STK3: variants seen among roughly 807,000 people sequenced by gnomAD.
The protein encoded by STK3 is serine/threonine kinase 3.
STK3 carries 41 observed loss-of-function variants against 58.0 expected under a neutral mutation model. That is an observed-to-expected ratio of 0.71 (90% CI 0.55 to 0.92). STK3 has a LOEUF of 0.92. STK3 is among the 40% of genes least tolerant of loss of function. The probability of loss-of-function intolerance (pLI) is 0.00; values close to 1 mark genes in which losing one functional copy is unlikely to be tolerated. For synonymous variants in STK3, 170 were observed against 191.0 expected, an observed-to-expected ratio of 0.89 and a Z score of 0.91; for missense variants, 479 against 602.7, an observed-to-expected ratio of 0.79 and a Z score of 2.15.
intron 1 of STK3, chr8:98,782,536 CA>C: frequency 3.0e-6 from 1 of 333,042 alleles, no homozygotes; most frequent in Non-Finnish European, 6.0e-6. Context: ...GGTCTAAGAC[CA>C]AGGAAGCATG....
chr8:98,558,688 ATTCT>A (rs758816682), intron 8 of STK3, among the ~76,000 whole-genome samples: 17 of 152,072 alleles, frequency 1.1e-4, no homozygotes, highest in Non-Finnish European at 2.1e-4. Context: ...TCTTTTCTTC[ATTCT>A]TTCTTTCTCT....
At chr8:98,591,532 CAAG>C (rs1256500784) in intron 7 of STK3, among the ~76,000 whole-genome samples, 1 of 152,186 alleles carries the variant, frequency 6.6e-6, no homozygotes, top group African/African-American at 2.4e-5. Context: ...TCTTCTGACT[CAAG>C]AATACTCAAA....
intron 10 of STK3, among the ~76,000 whole-genome samples, chr8:98,484,740 A>G (rs1159981111): frequency 6.6e-6 from 1 of 152,098 alleles, no homozygotes; most frequent in African/African-American, 2.4e-5. Flanking sequence ...AAAATACTAT[A>G]TATAATAGAA....
chr8:98,649,821 G>T (rs953819702), intron 6 of STK3, among the ~76,000 whole-genome samples: 3 of 152,008 alleles, frequency 2.0e-5, no homozygotes, highest in African/African-American at 7.2e-5. Flanking sequence ...TTTTTGCATG[G>T]CAACACAATA....
chr8:98,636,037 A>G (rs1188623527), intron 6 of STK3, among the ~76,000 whole-genome samples: 2 of 152,160 alleles, frequency 1.3e-5, no homozygotes, highest in Non-Finnish European at 2.9e-5. Context: ...ATAAAGCCAT[A>G]CATTCCTTCT....
chr8:98,721,486 T>C (rs970224927), intron 4 of STK3, among the ~76,000 whole-genome samples: 8 of 151,776 alleles, frequency 5.3e-5, no homozygotes, highest in African/African-American at 9.7e-5. Context: ...CTGGGCAACA[T>C]AGTGAGGCCT....
At chr8:98,391,890 C>T (rs770627700), upstream of STK3, among the ~76,000 whole-genome samples, 2 of 152,120 alleles carry the variant, frequency 1.3e-5, no homozygotes, top group Non-Finnish European at 2.9e-5. Context: ...AAGGTAGTTT[C>T]CTGATGAATT....
intron 6 of STK3, among the ~76,000 whole-genome samples, chr8:98,701,680 T>TCA (rs936023354): frequency 2.0e-5 from 3 of 146,908 alleles, no homozygotes; most frequent in East Asian, 2.0e-4. Context: ...ACACACACAC[T>TCA]CACACACACA....
rs147317277 is a variant in STK3, at chr8:98,863,316, T to C, written c.110+20331A>G. ...TTCTTTTAGGAAGGGCAGTACAACATTGAGCTGAAGGCAGACTATCAGCTA... is the reference window on the plus strand; with the variant it reads ...TTCTTTTAGGAAGGGCAGTACAACACTGAGCTGAAGGCAGACTATCAGCTA... On this transcript the variant is annotated intron_variant, in intron 3 of 12. Transcript: ENST00000523601. Among the ~76,000 whole-genome samples, 213 of 152,308 alleles carry C rather than the reference T, an allele frequency of 1.4e-3. 1 individual carries two copies. The highest frequency in any genetic ancestry group is 3.4e-3 in the Middle Eastern group (1 of 294).
intron 10 of STK3, among the ~76,000 whole-genome samples, chr8:98,467,320 C>T (rs1820546204): frequency 6.6e-6 from 1 of 152,012 alleles, no homozygotes; most frequent in Non-Finnish European, 1.5e-5. Context: ...TAGAACACTG[C>T]TTGAAACATA....
intron 9 of STK3, among the ~76,000 whole-genome samples, chr8:98,533,760 C>T (rs1237448028): frequency 6.6e-6 from 1 of 152,144 alleles, no homozygotes; most frequent in East Asian, 1.9e-4. Flanking sequence ...AAAGTGCTGG[C>T]ATCACAGGTG....
chr8:98,725,931 T>C (rs1759172129), intron 4 of STK3, among the ~76,000 whole-genome samples: 1 of 152,160 alleles, frequency 6.6e-6, no homozygotes. Context: ...TTACACAATG[T>C]ACCCAGGGTC....
chr8:98,493,259 G>A (rs992014368), intron 10 of STK3, among the ~76,000 whole-genome samples: 5 of 149,932 alleles, frequency 3.3e-5, no homozygotes, highest in South Asian at 2.1e-4. Flanking sequence ...ATCATCAAGC[G>A]TTTCATATCT....
intron 4 of STK3, among the ~76,000 whole-genome samples, chr8:98,711,054 T>A (rs1413625836): frequency 1.3e-5 from 2 of 151,956 alleles, no homozygotes; most frequent in African/African-American, 2.4e-5. Context: ...TCCAGCAAAC[T>A]CCAACAGACC....
At chr8:98,351,090 A>G in the STK3 span, among the ~76,000 whole-genome samples, 1 of 152,234 alleles carries the variant, frequency 6.6e-6, no homozygotes, top group South Asian at 2.1e-4. Flanking sequence ...AAAACTGTAT[A>G]TTCAGCAAAA....
chr8:98,905,924 A>T (rs1164908982), intron 1 of STK3, among the ~76,000 whole-genome samples: 1 of 152,212 alleles, frequency 6.6e-6, no homozygotes, highest in Non-Finnish European at 1.5e-5. Flanking sequence ...GTACAGAAAC[A>T]GCCAGATTGG....
At chr8:98,427,905 C>G in intron 3 of STK3, 1 of 1,295,250 alleles carries the variant, frequency 7.7e-7, no homozygotes, top group African/African-American at 1.5e-5. Flanking sequence ...GGGCGCACGG[C>G]GCTCTCGCCG....
chr8:98,736,382 C>T (rs1037331343), intron 4 of STK3, among the ~76,000 whole-genome samples: 4 of 152,044 alleles, frequency 2.6e-5, no homozygotes, highest in African/African-American at 9.7e-5. Context: ...GAAGCCAGTT[C>T]TTATTCTAGG....
At chr8:98,839,946 T>C (rs951022247) in intron 3 of STK3, among the ~76,000 whole-genome samples, 2 of 152,192 alleles carry the variant, frequency 1.3e-5, no homozygotes, top group Non-Finnish European at 1.5e-5. Flanking sequence ...ATTATCTCTT[T>C]ATATTTAGCC....
Sources: gnomAD v4.1 joint callset for allele counts (sites outside exome capture counted in the v4.1 genomes callset) on GRCh38, gnomAD v4.1.1 for gene constraint, MANE v1.5 for transcripts, NCBI Gene and HGNC (gene_info 2026-07-23, HGNC 2026-07-21) for gene names.